PCDH7: variants seen among roughly 807,000 people sequenced by gnomAD.
PCDH7 encodes the protein protocadherin-7.
PCDH7 carries 17 observed loss-of-function variants against 58.9 expected under a neutral mutation model. The ratio of observed to expected loss-of-function variants is 0.29; its 90% confidence interval spans 0.20 to 0.43. The LOEUF (loss-of-function observed/expected upper bound fraction) is 0.43. Ranked by LOEUF, PCDH7 falls within the 20% of genes least tolerant of loss-of-function variation. The probability of loss-of-function intolerance (pLI) is 1.00; values close to 1 mark genes in which losing one functional copy is unlikely to be tolerated. For synonymous variants in PCDH7, 664 were observed against 616.4 expected, an observed-to-expected ratio of 1.08 and a Z score of -1.14; for missense variants, 1,274 against 1,441.0, an observed-to-expected ratio of 0.88 and a Z score of 1.88.
At chr4:30,838,701 C>G (rs745410594) in intron 1 of PCDH7, among the ~76,000 whole-genome samples, 2 of 151,914 alleles carry the variant, frequency 1.3e-5, no homozygotes, top group Non-Finnish European at 2.9e-5. Flanking sequence ...GATTGGTTCT[C>G]TCTATGCACA....
chr4:31,083,787 T>C (rs1711939528), intron 3 of PCDH7, among the ~76,000 whole-genome samples: 1 of 152,226 alleles, frequency 6.6e-6, no homozygotes, highest in Non-Finnish European at 1.5e-5. Context: ...TGTGTCAAAG[T>C]GTAACTACCC....
downstream of PCDH7, among the ~76,000 whole-genome samples, chr4:30,734,195 T>C (rs1715918186): frequency 6.6e-6 from 1 of 152,106 alleles, no homozygotes; most frequent in Non-Finnish European, 1.5e-5. Context: ...GCGTGACTTT[T>C]TTAATCCATT....
chr4:30,781,375 C>G (rs552737803), intron 1 of PCDH7, among the ~76,000 whole-genome samples: 1 of 151,974 alleles, frequency 6.6e-6, no homozygotes, highest in South Asian at 2.1e-4. Flanking sequence ...CTCCTGACCT[C>G]GTGAACCGCC....
intron 2 of PCDH7, among the ~76,000 whole-genome samples, chr4:30,934,324 T>G (rs2109429474): frequency 6.6e-6 from 1 of 152,326 alleles, no homozygotes; most frequent in Non-Finnish European, 1.5e-5. Context: ...TGTGTGTGTG[T>G]TTTTTAAGTA....
At chr4:30,827,913 T>C (rs1729302481) in intron 1 of PCDH7, among the ~76,000 whole-genome samples, 1 of 152,100 alleles carries the variant, frequency 6.6e-6, no homozygotes, top group Non-Finnish European at 1.5e-5. Flanking sequence ...ATTAAGAACT[T>C]AGGTTTTGTA....
chr4:31,002,874 T>A (rs573322221), intron 3 of PCDH7, among the ~76,000 whole-genome samples: 4 of 152,316 alleles, frequency 2.6e-5, no homozygotes, highest in Admixed American at 6.5e-5. Context: ...CCTGCTGAGA[T>A]CATAGCTTGT....
chr4:30,835,726 A>G (rs545831975), intron 1 of PCDH7, among the ~76,000 whole-genome samples: 6 of 152,260 alleles, frequency 3.9e-5, no homozygotes, highest in African/African-American at 1.4e-4. Flanking sequence ...ATATTTCACC[A>G]TCTGTAAAGT....
In PCDH7 at chr4:30,722,036, C is replaced by T. The variant is rs1252883035; in HGVS notation, c.614C>T (p.Pro205Leu). 8.0e-7 allele frequency: 1 copy of T among 1,248,884 alleles called. No individual in the cohort carries two copies. Among genetic ancestry groups the T allele is most frequent in the African/African-American group, 1.6e-5 (1 of 63,994 alleles). 77.4% of individuals were successfully genotyped at this position (1,248,884 alleles called of 1,614,324 possible). Reference sequence around the variant, plus strand: ...CGCGCCGGGGCGGCCGACAGCGCCCCCTACCCCGGGGGCGGCGGGAACGGC... The same window carrying T: ...CGCGCCGGGGCGGCCGACAGCGCCCTCTACCCCGGGGGCGGCGGGAACGGC... The change falls in exon 1 of 2, where the codon CCC becomes CTC. Residue 205 changes from proline to leucine, a missense_variant. By Grantham distance (98) the Pro-to-Leu change is moderately conservative. Transcript: ENST00000361762. The surrounding 1 kb of genome is among the most constrained non-coding windows in gnomAD (Gnocchi z 7.6).
chr4:31,087,862 A>T (rs1420321566), intron 3 of PCDH7, among the ~76,000 whole-genome samples: 1 of 152,116 alleles, frequency 6.6e-6, no homozygotes, highest in African/African-American at 2.4e-5. Context: ...ATTAACATGT[A>T]GTAGGTGCTC....
chr4:30,834,482 C>T (rs1436538832), intron 1 of PCDH7, among the ~76,000 whole-genome samples: 1 of 152,132 alleles, frequency 6.6e-6, no homozygotes, highest in Non-Finnish European at 1.5e-5. Context: ...AACTGAGGTG[C>T]TTTGAACCAC....
At chr4:31,104,736 G>A (rs186544084) in intron 3 of PCDH7, among the ~76,000 whole-genome samples, 10 of 152,272 alleles carry the variant, frequency 6.6e-5, no homozygotes, top group Admixed American at 5.9e-4. Flanking sequence ...TGAATTACAG[G>A]CAGAGACACA....
chr4:31,086,074 T>C (rs1026649154), intron 3 of PCDH7, among the ~76,000 whole-genome samples: 5 of 152,164 alleles, frequency 3.3e-5, no homozygotes, highest in African/African-American at 9.7e-5. Flanking sequence ...GTTAATCCAT[T>C]TTATTCCTGG....
At chr4:31,046,474 A>G (rs1442065844) in intron 3 of PCDH7, among the ~76,000 whole-genome samples, 1 of 151,992 alleles carries the variant, frequency 6.6e-6, no homozygotes, top group African/African-American at 2.4e-5. Flanking sequence ...TCTCTATTGC[A>G]TTTGCCATGA....
At position 31,032,512 on chromosome 4, in the gene PCDH7, G is replaced by A. The variant is rs184057947; in HGVS notation, c.*7+82297G>A. On this transcript the variant is annotated intron_variant, in intron 3 of 3. Coordinates refer to the PCDH7 transcript ENST00000509759. ...AATCCCAGCTATCCAGGAGTCTGAGGCACAAGAATCGTTTGAATCCAGGAG... is the reference window on the plus strand; with the variant it reads ...AATCCCAGCTATCCAGGAGTCTGAGACACAAGAATCGTTTGAATCCAGGAG... 6.4e-3 allele frequency among the ~76,000 whole-genome samples: 972 copies of A among 151,496 alleles called. 12 individuals are homozygous for A. The highest frequency in any genetic ancestry group is 0.022 in the African/African-American group (924 of 41,242).
At chr4:30,948,007 A>AT (rs1368652271) in intron 2 of PCDH7, among the ~76,000 whole-genome samples, 1 of 151,908 alleles carries the variant, frequency 6.6e-6, no homozygotes, top group Non-Finnish European at 1.5e-5. Flanking sequence ...TTCCAGCTTC[A>AT]TTTTTTGGAG....
chr4:30,790,923 A>C (rs1203851667), intron 1 of PCDH7, among the ~76,000 whole-genome samples: 2 of 150,510 alleles, frequency 1.3e-5, no homozygotes, highest in African/African-American at 2.5e-5. Flanking sequence ...ACCTTGTCTC[A>C]AAAAAAACAA....
intron 1 of PCDH7, among the ~76,000 whole-genome samples, chr4:30,853,314 A>G (rs1328074366): frequency 6.6e-6 from 1 of 152,142 alleles, no homozygotes; most frequent in Non-Finnish European, 1.5e-5. Flanking sequence ...TGAGGAATCA[A>G]ATGTCTAGGA....
chr4:31,142,573 T>C (rs1277156838), exon 4 of PCDH7: 1 of 1,367,592 alleles, frequency 7.3e-7, no homozygotes, highest in Non-Finnish European at 9.8e-7. Flanking sequence ...TCCGCACTTC[T>C]CCGGAGAGGA....
At chr4:30,794,926 G>T (rs1724596827) in intron 1 of PCDH7, among the ~76,000 whole-genome samples, 1 of 152,044 alleles carries the variant, frequency 6.6e-6, no homozygotes, top group Admixed American at 6.6e-5. Context: ...TGGTATGATA[G>T]TTAAGTGATA....
Sources: gnomAD v4.1 joint callset for allele counts (sites outside exome capture counted in the v4.1 genomes callset) on GRCh38, gnomAD v4.1.1 for gene constraint, Gnocchi (gnomAD v3.1) non-coding constraint, MANE v1.5 for transcripts, NCBI Gene and HGNC (gene_info 2026-07-23, HGNC 2026-07-21) for gene names.